ACTR1A: variants seen among roughly 807,000 people sequenced by gnomAD.
The protein encoded by ACTR1A is alpha-centractin.
A neutral mutation model predicts 50.7 loss-of-function variants in ACTR1A; 10 were observed. That is an observed-to-expected ratio of 0.20 (90% CI 0.12 to 0.33). The LOEUF (loss-of-function observed/expected upper bound fraction) is 0.33. ACTR1A is among the 10% of genes least tolerant of loss of function. ACTR1A has a pLI of 1.00. For synonymous variants in ACTR1A, 177 were observed against 184.2 expected (o/e 0.96, Z 0.32); for missense variants, 253 against 491.7 (o/e 0.51, Z 4.59).
chr10:102,482,293 G>T lies in ACTR1A; in HGVS notation c.751-118C>A. 2.2e-6 allele frequency: 2 copies of T among 925,776 alleles called. No individual in the cohort carries two copies. Among genetic ancestry groups the T allele is most frequent in the Non-Finnish European group, 3.3e-6 (2 of 600,854 alleles). The allele number at this position is 925,776 out of a possible 1,614,324, so 57.3% of individuals were successfully genotyped here. A position where few individuals can be genotyped will look rare whatever the true frequency, so the allele number is the denominator to read the frequency against. ...GTAACTGGGTGGCTATGAAGGCCAG[G>T]CTCAAGACAGACTCTACATGTCAAG... On this transcript the variant is annotated intron_variant, in intron 7 of 10. Coordinates refer to ENST00000369905, the MANE Select transcript of ACTR1A (RefSeq NM_005736.4). This position sits in a 1 kb window ranked among gnomAD's most constrained non-coding sequence, Gnocchi z 5.6.
At position 102,479,703 on chromosome 10, in the gene ACTR1A, C is replaced by G; in HGVS notation, c.*1160G>C. On this transcript the variant is annotated 3_prime_UTR_variant, in exon 11 of 11. Transcript: ENST00000369905. This position sits in a 1 kb window ranked among gnomAD's most constrained non-coding sequence, Gnocchi z 4.0. Reference sequence around the variant, plus strand: ...CACCTCTACAACCTAGTCCCCTGGTCAGCTACAGTGGCAAAAGGCAACTTG... The same window carrying G: ...CACCTCTACAACCTAGTCCCCTGGTGAGCTACAGTGGCAAAAGGCAACTTG... 1 of 1,287,612 alleles carries G rather than the reference C, an allele frequency of 7.8e-7. No homozygotes were observed. Among genetic ancestry groups the G allele is most frequent in the African/African-American group, 1.5e-5 (1 of 65,930 alleles). The allele number at this position is 1,287,612 out of a possible 1,614,324, so 79.8% of individuals were successfully genotyped here. A position where few individuals can be genotyped will look rare whatever the true frequency, so the allele number is the denominator to read the frequency against.
rs752655643 is a variant in ACTR1A at position 102,488,562 on chromosome 10, T to C, written c.190-287A>G. Among the ~76,000 whole-genome samples, 12 of 152,308 alleles carry C rather than the reference T, an allele frequency of 7.9e-5. No homozygotes were observed. The highest frequency in any genetic ancestry group is 1.3e-4 in the Non-Finnish European group (9 of 68,028). On this transcript the variant is annotated intron_variant, in intron 3 of 10. Coordinates refer to ENST00000369905, the MANE Select transcript of ACTR1A (RefSeq NM_005736.4). The surrounding 1 kb of genome is among the most constrained non-coding windows in gnomAD (Gnocchi z 4.4). The stretch of plus-strand genomic sequence containing the variant: ...CAAGTGGCAGGAGGCATCTTCCTCA[T>C]TGCCTGGTTCCAGGACACAATCTCC...
intron 1 of ACTR1A, among the ~76,000 whole-genome samples, chr10:102,501,761 T>C (rs1341015837): frequency 6.6e-6 from 1 of 152,224 alleles, no homozygotes; most frequent in Non-Finnish European, 1.5e-5. Flanking sequence ...GTCCAGTTTT[T>C]GTGAGGATCC....
At chr10:102,492,997 A>T (rs2062201536) in intron 1 of ACTR1A, among the ~76,000 whole-genome samples, 1 of 92,050 alleles carries the variant, frequency 1.1e-5, no homozygotes, top group South Asian at 4.5e-4. Flanking sequence ...GTGAGACTCC[A>T]CCTCAAAAAA....
At position 102,481,830 on chromosome 10, in the gene ACTR1A, C is replaced by G. The variant is rs1387161008; in HGVS notation, c.987+7G>C. The G allele has an allele frequency of 6.2e-7, 1 of 1,612,294 alleles. No individual in the cohort carries two copies. Among genetic ancestry groups the G allele is most frequent in the South Asian group, 1.1e-5 (1 of 91,004 alleles). On this transcript the variant is annotated splice_region_variant and intron_variant, in intron 9 of 10. Coordinates refer to ENST00000369905, the MANE Select transcript of ACTR1A (RefSeq NM_005736.4). ...TCCACCCAGGCCAGGCCCCACCATG[C>G]TCCTACCCTGATCTTCACATCTTTT...
At position 102,481,609 on chromosome 10, in the gene ACTR1A, C is replaced by A. The variant is rs117869402; in HGVS notation, c.987+228G>T. Among the ~76,000 whole-genome samples, 843 of 152,294 alleles carry A rather than the reference C, an allele frequency of 5.5e-3. 29 individuals carry two copies. The highest frequency in any genetic ancestry group is 0.04 in the Admixed American group (616 of 15,298). On this transcript the variant is annotated intron_variant, in intron 9 of 10. Coordinates refer to ENST00000369905, the MANE Select transcript of ACTR1A (RefSeq NM_005736.4). ...CCCTCTACCTAGTACCCTGCCTCAT[C>A]TGGGTATTAGAACTGCCTGCCTTTG...
chr10:102,493,613 T>C (rs180722905), intron 1 of ACTR1A, among the ~76,000 whole-genome samples: 1 of 152,228 alleles, frequency 6.6e-6, no homozygotes, highest in African/African-American at 2.4e-5. Context: ...TGAATGATCA[T>C]CTTCCTATTA....
At chr10:102,502,373 A>G (rs1294196189) in intron 1 of ACTR1A, among the ~76,000 whole-genome samples, 1 of 152,246 alleles carries the variant, frequency 6.6e-6, no homozygotes, top group Non-Finnish European at 1.5e-5. Flanking sequence ...GGCTTGGACT[A>G]TAACTCTTTC....
In ACTR1A at chr10:102,482,015, G is replaced by C. The variant is rs1481868410; in HGVS notation, c.911C>G (p.Ser304Cys). The C allele has an allele frequency of 1.2e-6, 2 of 1,614,212 alleles. No individual in the cohort carries two copies. Among genetic ancestry groups the C allele is most frequent in the Admixed American group, 1.7e-5 (1 of 60,030 alleles). Residue 304 changes from serine (S) to cysteine (C), a missense_variant, in exon 8 of 11, where the codon TCT becomes TGT. Ser to Cys is a moderately radical substitution (Grantham distance 112, BLOSUM62 -1). Coordinates refer to ENST00000369905, the MANE Select transcript of ACTR1A (RefSeq NM_005736.4). This position sits in a 1 kb window ranked among gnomAD's most constrained non-coding sequence, Gnocchi z 5.6. ...LFSNIVLSGG[S>C]TLFKGFGDRL... ...AAGAGACAAACCTTTGAACAGGGTA[G>C]AGCCTCCTGAGAGGACAATGTTAGA...
intron 4 of ACTR1A, among the ~76,000 whole-genome samples, chr10:102,487,061 C>G (rs2094290668): frequency 6.6e-6 from 1 of 151,920 alleles, no homozygotes; most frequent in African/African-American, 2.4e-5. Context: ...GGATTACAGG[C>G]ATGACCCACA....
intron 1 of ACTR1A, among the ~76,000 whole-genome samples, chr10:102,491,459 C>T (rs1448601431): frequency 6.6e-6 from 1 of 152,214 alleles, no homozygotes; most frequent in Non-Finnish European, 1.5e-5. Flanking sequence ...ATTGCAAGGG[C>T]AGAGCACGAT....
rs2062134624 is a variant in ACTR1A at position 102,480,712 on chromosome 10, T to C, written c.*151A>G. ...TTCATCGTCCTTTCTGGGCCCAGGG[T>C]CCCAGGGCCACACGGCACTCGCATG... On this transcript the variant is annotated 3_prime_UTR_variant, in exon 11 of 11. Transcript: ENST00000369905. 4 of 695,444 alleles carry C rather than the reference T, an allele frequency of 5.8e-6. No individual in the cohort carries two copies. Among genetic ancestry groups the C allele is most frequent in the South Asian group, 3.4e-5 (2 of 58,966 alleles). The allele number at this position is 695,444 out of a possible 1,614,324, so 43.1% of individuals were successfully genotyped here. A position where few individuals can be genotyped will look rare whatever the true frequency, so the allele number is the denominator to read the frequency against.
chr10:102,488,292 G>C lies in ACTR1A; in HGVS notation c.190-17C>G. On this transcript the variant is annotated splice_polypyrimidine_tract_variant and intron_variant, in intron 3 of 10. Transcript: ENST00000369905. This position sits in a 1 kb window ranked among gnomAD's most constrained non-coding sequence, Gnocchi z 4.4. ...TCGGTGCTCCTGGGAAAAGAGAACAGGACTTACGACTGCAGTCAGGCTCCA... is the reference window on the plus strand; with the variant it reads ...TCGGTGCTCCTGGGAAAAGAGAACACGACTTACGACTGCAGTCAGGCTCCA... 1 of 1,610,582 alleles carries C rather than the reference G, an allele frequency of 6.2e-7. No homozygotes were observed. The highest frequency in any genetic ancestry group is 8.5e-7 in the Non-Finnish European group (1 of 1,177,034).
At position 102,490,541 on chromosome 10, in the gene ACTR1A, T is replaced by G; in HGVS notation, c.113+8A>C. 6.2e-7 allele frequency: 1 copy of G among 1,610,414 alleles called. No individual in the cohort carries two copies. The highest frequency in any genetic ancestry group is 1.1e-5 in the South Asian group (1 of 91,028). Reference sequence around the variant, plus strand: ...CCTCCAAAACGTCTAAGCTACAGAATGACTTACTAGTTTGGAAAGCAGTAT... The same window carrying G: ...CCTCCAAAACGTCTAAGCTACAGAAGGACTTACTAGTTTGGAAAGCAGTAT... On this transcript the variant is annotated splice_region_variant and intron_variant, in intron 2 of 10. Coordinates refer to ENST00000369905, the MANE Select transcript of ACTR1A (RefSeq NM_005736.4).
chr10:102,494,083 A>G lies in ACTR1A; in HGVS notation c.49-3470T>C, dbSNP rs552187544. Among the ~76,000 whole-genome samples the G allele has an allele frequency of 2.0e-5, 3 of 152,266 alleles. No homozygotes were observed. In the South Asian group the frequency reaches 6.2e-4, roughly 31 times the overall value. On this transcript the variant is annotated intron_variant, in intron 1 of 10. Transcript: ENST00000369905. The stretch of plus-strand genomic sequence containing the variant: ...CTGCTCAAGAGCATACAAAAGGGTT[A>G]TGTCCATTTCTTTAACAGTATTTAC...
In ACTR1A at chr10:102,479,704, A is replaced by G; in HGVS notation, c.*1159T>C. 1.6e-6 allele frequency: 2 copies of G among 1,287,246 alleles called. No homozygotes were observed. The highest frequency in any genetic ancestry group is 2.0e-6 in the Non-Finnish European group (2 of 987,446). 79.7% of individuals were successfully genotyped at this position (1,287,246 alleles called of 1,614,324 possible). A position where few individuals can be genotyped will look rare whatever the true frequency, so the allele number is the denominator to read the frequency against. On this transcript the variant is annotated 3_prime_UTR_variant, in exon 11 of 11. Transcript: ENST00000369905. The surrounding 1 kb of genome is among the most constrained non-coding windows in gnomAD (Gnocchi z 4.0). ...ACCTCTACAACCTAGTCCCCTGGTC[A>G]GCTACAGTGGCAAAAGGCAACTTGG...
At chr10:102,491,105 TCA>T (rs2062189769) in intron 1 of ACTR1A, among the ~76,000 whole-genome samples, 1 of 152,240 alleles carries the variant, frequency 6.6e-6, no homozygotes, top group Non-Finnish European at 1.5e-5. Flanking sequence ...AGGAGGATTC[TCA>T]CTGTATACAC....
rs11546972 is a variant in ACTR1A at position 102,485,696 on chromosome 10, C to G, written c.353G>C (p.Arg118Pro). 6.2e-7 allele frequency: 1 copy of G among 1,613,874 alleles called. No homozygotes were observed. Among genetic ancestry groups the G allele is most frequent in the Non-Finnish European group, 8.5e-7 (1 of 1,179,986 alleles). The change falls in exon 5 of 11, where the codon CGA (arginine) becomes CCA (proline). Residue 118 changes from arginine (R) to proline (P), a missense_variant. Coordinates refer to ENST00000369905, the MANE Select transcript of ACTR1A (RefSeq NM_005736.4). The part of the protein sequence containing the change: ...VLLTEAPLNP[R>P]KNRERAAEVF... ...TTCGGCAGCTCGTTCCCGGTTTTTT[C>G]GTGGGTTTAAAGGCGCCTCAGTCAG...
intron 1 of ACTR1A, among the ~76,000 whole-genome samples, chr10:102,497,827 T>A (rs1225062300): frequency 6.6e-6 from 1 of 151,484 alleles, no homozygotes; most frequent in Non-Finnish European, 1.5e-5. Flanking sequence ...GCACAGTGGC[T>A]CATGCCTGTA....
Sources: allele counts gnomAD v4.1 joint callset (sites outside exome capture counted in the v4.1 genomes callset), GRCh38; gene constraint gnomAD v4.1.1; non-coding constraint Gnocchi (gnomAD v3.1); transcripts MANE v1.5; gene names NCBI Gene and HGNC (gene_info 2026-07-23, HGNC 2026-07-21).